Variants in CADM2 observed in about 807,000 individuals in gnomAD.
The protein encoded by CADM2 is immunoglobulin superfamily member 4D.
A neutral mutation model predicts 49.8 loss-of-function variants in CADM2; 12 were observed. The ratio of observed to expected loss-of-function variants is 0.24; its 90% CI spans 0.15 to 0.39. The LOEUF (loss-of-function observed/expected upper bound fraction) is 0.39, where lower values mean the gene tolerates loss of function less well. Ranked by LOEUF, CADM2 falls within the 10% of genes least tolerant of loss-of-function variation. The pLI is 1.00. For missense variants in CADM2, 378 were observed against 492.3 expected, an observed-to-expected ratio of 0.77 and a Z score of 2.20; for synonymous variants, 214 against 175.4, an observed-to-expected ratio of 1.22 and a Z score of -1.74.
intron 1 of CADM2, among the ~76,000 whole-genome samples, chr3:85,583,442 G>A (rs1313482281): frequency 1.3e-5 from 2 of 152,078 alleles, no homozygotes; most frequent in African/African-American, 4.8e-5. Flanking sequence ...TCACAGGAGG[G>A]TGAAAGTTAT....
intron 1 of CADM2, among the ~76,000 whole-genome samples, chr3:85,566,998 C>T (rs183897256): frequency 3.2e-4 from 48 of 152,250 alleles, no homozygotes; most frequent in African/African-American, 1.2e-3. Context: ...AATTAAGCTT[C>T]CCATCTTTAA....
chr3:85,522,628 T>G (rs1487265771), intron 1 of CADM2, among the ~76,000 whole-genome samples: 1 of 152,134 alleles, frequency 6.6e-6, no homozygotes, highest in East Asian at 1.9e-4. Context: ...ATATATTAAC[T>G]GTTTTTGGAT....
chr3:85,037,233 G>A (rs926793283), intron 1 of CADM2, among the ~76,000 whole-genome samples: 1 of 152,120 alleles, frequency 6.6e-6, no homozygotes, highest in Non-Finnish European at 1.5e-5. Flanking sequence ...GTTGGCTGTA[G>A]CCAAGAGTAG....
intron 6 of CADM2, among the ~76,000 whole-genome samples, chr3:85,920,479 A>T (rs967243369): frequency 2.0e-5 from 3 of 151,864 alleles, no homozygotes; most frequent in African/African-American, 4.8e-5. Context: ...TCATAAGGTG[A>T]TCTATGCTGT....
chr3:85,602,391 A>T (rs1256221940), intron 1 of CADM2, among the ~76,000 whole-genome samples: 1 of 151,854 alleles, frequency 6.6e-6, no homozygotes, highest in African/African-American at 2.4e-5. Context: ...CGAAGTAACT[A>T]AATATTGACT....
intron 1 of CADM2, among the ~76,000 whole-genome samples, chr3:85,481,323 G>T (rs2039201406): frequency 6.6e-6 from 1 of 150,910 alleles, no homozygotes; most frequent in South Asian, 2.1e-4. Flanking sequence ...TGTATTAAAA[G>T]AGTTAATTTA....
intron 1 of CADM2, among the ~76,000 whole-genome samples, chr3:85,293,026 A>C (rs1327001755): frequency 6.6e-6 from 1 of 152,190 alleles, no homozygotes; most frequent in African/African-American, 2.4e-5. Flanking sequence ...GGATCAACAA[A>C]ATTGATAGAC....
chr3:85,482,862 A>G (rs927395344), intron 1 of CADM2, among the ~76,000 whole-genome samples: 1 of 151,644 alleles, frequency 6.6e-6, no homozygotes, highest in African/African-American at 2.4e-5. Flanking sequence ...TTTAAAAATA[A>G]TAGTTGATTT....
At chr3:85,522,375 T>C (rs993674684) in intron 1 of CADM2, among the ~76,000 whole-genome samples, 18 of 152,166 alleles carry the variant, frequency 1.2e-4, no homozygotes, top group Non-Finnish European at 1.8e-4. Flanking sequence ...TTAAATCATG[T>C]TTGTAGAAAT....
rs182008468 is a variant in CADM2 at position 85,099,839 on chromosome 3, T to A, written c.61+140171T>A. ...ACACTAGCGATGGAATGGGAGCTTTTAAAATAACAGCATAGGTTTAGTGTT... is the reference window on the plus strand; with the variant it reads ...ACACTAGCGATGGAATGGGAGCTTTAAAAATAACAGCATAGGTTTAGTGTT... On this transcript the variant is annotated intron_variant, in intron 1 of 9. Coordinates refer to ENST00000383699, the MANE Select transcript of CADM2 (RefSeq NM_001167675.2). Among the ~76,000 whole-genome samples, 9 of 152,306 alleles carry A rather than the reference T, an allele frequency of 5.9e-5. No individual in the cohort carries two copies. In the East Asian group the frequency reaches 1.7e-3, roughly 29 times the overall value.
chr3:85,441,099 C>T (rs1304212886), intron 1 of CADM2, among the ~76,000 whole-genome samples: 1 of 151,916 alleles, frequency 6.6e-6, no homozygotes, highest in Non-Finnish European at 1.5e-5. Context: ...ATAATTCTCA[C>T]ATGTATTCAA....
chr3:85,104,942 G>A (rs559337052), intron 1 of CADM2, among the ~76,000 whole-genome samples: 61 of 152,160 alleles, frequency 4.0e-4, no homozygotes, highest in Non-Finnish European at 7.8e-4. Context: ...CTTTGCTGAA[G>A]TTTCTTATCA....
chr3:85,089,878 A>G (rs1292553740), intron 1 of CADM2, among the ~76,000 whole-genome samples: 1 of 152,094 alleles, frequency 6.6e-6, no homozygotes, highest in African/African-American at 2.4e-5. Flanking sequence ...TGAGATTTTG[A>G]TGTGCCAAAC....
At chr3:85,996,800 T>C (rs975638649) in intron 8 of CADM2, among the ~76,000 whole-genome samples, 2 of 152,134 alleles carry the variant, frequency 1.3e-5, no homozygotes, top group Non-Finnish European at 2.9e-5. Context: ...AGACAGTTAT[T>C]GAGATTAGTT....
At chr3:85,170,580 G>A (rs996545786) in intron 1 of CADM2, among the ~76,000 whole-genome samples, 26 of 152,010 alleles carry the variant, frequency 1.7e-4, no homozygotes, top group Non-Finnish European at 1.5e-5. Context: ...TCAAGCTTCC[G>A]TCTCCATCTC....
chr3:85,773,843 G>C (rs182896836), intron 2 of CADM2, among the ~76,000 whole-genome samples: 2 of 151,924 alleles, frequency 1.3e-5, no homozygotes, highest in Non-Finnish European at 2.9e-5. Flanking sequence ...ATATGTACAA[G>C]TGTGTGGTGA....
rs532179522 is a variant in CADM2, at chr3:85,729,583, T to C, written c.88+3035T>C. On this transcript the variant is annotated intron_variant, in intron 2 of 9. Coordinates refer to ENST00000383699, the MANE Select transcript of CADM2 (RefSeq NM_001167675.2). The stretch of plus-strand genomic sequence containing the variant: ...ACTCTTCACGCGTAAATTTTGTATG[T>C]AGATTTAATAAAATGAATTAAGGTT... 1.2e-4 allele frequency among the ~76,000 whole-genome samples: 18 copies of C among 152,272 alleles called. 1 individual carries two copies. The highest frequency in any genetic ancestry group is 6.8e-3 in the Middle Eastern group (2 of 294).
At chr3:85,409,412 G>A (rs1390097195) in intron 1 of CADM2, among the ~76,000 whole-genome samples, 1 of 152,140 alleles carries the variant, frequency 6.6e-6, no homozygotes, top group Non-Finnish European at 1.5e-5. Context: ...ATCAAATAAA[G>A]GGATATTTGA....
intron 1 of CADM2, among the ~76,000 whole-genome samples, chr3:85,259,781 T>A (rs1379522979): frequency 6.6e-6 from 1 of 152,092 alleles, no homozygotes; most frequent in Non-Finnish European, 1.5e-5. Flanking sequence ...TATGGACAAT[T>A]GTCTCAGTGC....
Sources: gnomAD v4.1 joint callset for allele counts (sites outside exome capture counted in the v4.1 genomes callset) on GRCh38, gnomAD v4.1.1 for gene constraint, MANE v1.5 for transcripts, NCBI Gene and HGNC (gene_info 2026-07-23, HGNC 2026-07-21) for gene names.